MYO9A: variants seen among roughly 807,000 people sequenced by gnomAD.
The protein encoded by MYO9A is unconventional myosin-IXa.
MYO9A carries 103 observed loss-of-function variants against 293.3 expected under a neutral mutation model. The ratio of observed to expected loss-of-function variants is 0.35; its 90% confidence interval spans 0.30 to 0.41. MYO9A has a LOEUF of 0.41. MYO9A is among the 10% of genes least tolerant of loss of function. The pLI is 1.00. For synonymous variants in MYO9A, 1,001 were observed against 1,035.7 expected, an observed-to-expected ratio of 0.97 and a Z score of 0.64; for missense variants, 2,685 against 3,033.0, an observed-to-expected ratio of 0.89 and a Z score of 2.69.
intron 1 of MYO9A, among the ~76,000 whole-genome samples, chr15:72,103,045 G>A (rs188276688): frequency 0.06 from 413 of 6,866 alleles, 1 homozygote; most frequent in Non-Finnish European, 0.074. Context: ...GCAGTGGTGC[G>A]ATCTCTGTTC....
At chr15:71,962,258 G>A (rs894664901) in intron 13 of MYO9A, among the ~76,000 whole-genome samples, 5 of 152,126 alleles carry the variant, frequency 3.3e-5, no homozygotes, top group African/African-American at 7.2e-5. Flanking sequence ...TAAGTAAATC[G>A]CTCCAAGTTG....
chr15:71,935,585 A>C, intron 16 of MYO9A, 101 bp from the exon 17 acceptor site: 1 of 1,219,570 alleles, frequency 8.2e-7, no homozygotes, highest in Non-Finnish European at 1.1e-6. Context: ...TAAAATTTAG[A>C]AAAAAATGCT....
Position 71,825,927 on chromosome 15 carries a change from T to G in MYO9A, c.*653A>C, listed in dbSNP as rs2054464023. On this transcript the variant is annotated 3_prime_UTR_variant, in exon 42 of 42. Coordinates refer to ENST00000356056, the MANE Select transcript of MYO9A (RefSeq NM_006901.4). ...ATCAAAAAAAATAGGTATTCTCTTC[T>G]TCACTGTATAACAAGATATCTGAGA... The G allele has an allele frequency of 6.6e-6, 1 of 151,912 alleles. No individual in the cohort carries two copies. Among genetic ancestry groups the G allele is most frequent in the Admixed American group, 6.6e-5 (1 of 15,244 alleles). The allele number at this position is 151,912 out of a possible 1,614,324, so 9.4% of individuals were successfully genotyped here.
intron 33 of MYO9A, among the ~76,000 whole-genome samples, chr15:71,862,058 G>A (rs1416762272): frequency 6.6e-6 from 1 of 152,176 alleles, no homozygotes; most frequent in Non-Finnish European, 1.5e-5. Flanking sequence ...CTTGAACCTG[G>A]GAAGCAGAGG....
intron 14 of MYO9A, among the ~76,000 whole-genome samples, chr15:71,958,006 G>T (rs1304406527): frequency 2.6e-5 from 4 of 152,112 alleles, no homozygotes. Flanking sequence ...CAGTCAGGGT[G>T]TTTCTTGACA....
At chr15:72,060,851 C>T (rs1352876980) in intron 1 of MYO9A, among the ~76,000 whole-genome samples, 1 of 152,100 alleles carries the variant, frequency 6.6e-6, no homozygotes. Context: ...AGTGAGACAC[C>T]AGCTAGGGCA....
intron 18 of MYO9A, among the ~76,000 whole-genome samples, chr15:71,922,394 T>G (rs1325886565): frequency 2.0e-5 from 3 of 152,246 alleles, no homozygotes; most frequent in Admixed American, 6.5e-5. Context: ...TTATGACACA[T>G]GTATACATTG....
At chr15:71,960,165 A>G in intron 13 of MYO9A, 69 bp from the exon 14 acceptor site, 1 of 1,376,714 alleles carries the variant, frequency 7.3e-7, no homozygotes, top group Non-Finnish European at 1.0e-6. Context: ...GACGGGTGAT[A>G]ACATACTTTG....
At chr15:72,051,442 G>A (rs1433068793) in intron 1 of MYO9A, among the ~76,000 whole-genome samples, 5 of 152,018 alleles carry the variant, frequency 3.3e-5, no homozygotes, top group Non-Finnish European at 7.4e-5. Flanking sequence ...GTGCTCTTGG[G>A]GGATGGGAGC....
intron 26 of MYO9A, among the ~76,000 whole-genome samples, chr15:71,889,015 G>C (rs939481704): frequency 2.0e-5 from 3 of 152,154 alleles, no homozygotes; most frequent in African/African-American, 7.2e-5. Flanking sequence ...TTCTACACTT[G>C]TTTCTAGGCT....
In MYO9A at chr15:72,018,996, A is replaced by AC. The variant is rs778007917; in HGVS notation, c.1155+42dup. ...ATGGATGCAAATGCGCAATGTGAGG[A>AC]CCCTTTGACAGAAACACAGAATATT... On this transcript the variant is annotated intron_variant, in intron 6 of 41. Transcript: ENST00000356056. 3 of 1,513,120 alleles carry AC rather than the reference A, an allele frequency of 2.0e-6. No homozygotes were observed. The South Asian group carries it at 3.4e-5, about 17-fold the overall frequency. The allele number at this position is 1,513,120 out of a possible 1,614,324, so 93.7% of individuals were successfully genotyped here.
chr15:72,032,400 T>C (rs959520465), intron 3 of MYO9A, 94 bp downstream of exon 3: 4 of 727,904 alleles, frequency 5.5e-6, no homozygotes, highest in Non-Finnish European at 8.2e-6. Flanking sequence ...CTGACACCAA[T>C]GTCTGGGAAT....
intron 10 of MYO9A, among the ~76,000 whole-genome samples, chr15:71,993,102 G>C (rs2076587080): frequency 6.6e-6 from 1 of 152,128 alleles, no homozygotes; most frequent in Admixed American, 6.5e-5. Context: ...TGTAATCCCA[G>C]CACTTTGGGA....
At chr15:71,982,487 C>G (rs537868378) in intron 11 of MYO9A, among the ~76,000 whole-genome samples, 2 of 152,026 alleles carry the variant, frequency 1.3e-5, no homozygotes, top group African/African-American at 2.4e-5. Context: ...AAATATCCCA[C>G]GCAAACTTGA....
intron 39 of MYO9A, among the ~76,000 whole-genome samples, chr15:71,836,987 TTGTA>T (rs1417142004): frequency 6.6e-6 from 1 of 151,644 alleles, no homozygotes; most frequent in African/African-American, 2.4e-5. Flanking sequence ...TTTCTGTGTT[TTGTA>T]TGTGTTTTGT....
intron 12 of MYO9A, among the ~76,000 whole-genome samples, chr15:71,973,710 T>C (rs2147577819): frequency 6.6e-6 from 1 of 152,304 alleles, no homozygotes; most frequent in East Asian, 1.9e-4. Flanking sequence ...ATAAGGATAT[T>C]CGCCCAATGA....
intron 1 of MYO9A, among the ~76,000 whole-genome samples, chr15:72,079,826 AAATCTTTAAGACTAAAC>A (rs1304605410): frequency 6.6e-6 from 1 of 152,242 alleles, no homozygotes; most frequent in Non-Finnish European, 1.5e-5. Context: ...AATGTTTTAT[AAATCTTTAAGACTAAAC>A]AGCCTCAGCA....
chr15:71,862,516 T>C lies in MYO9A; in HGVS notation c.6075A>G (p.Arg2025=), dbSNP rs746354221. Residue 2025 remains arginine (R), a synonymous_variant, in exon 33 of 42, where the codon CGA becomes CGG. Coordinates refer to ENST00000356056, the MANE Select transcript of MYO9A (RefSeq NM_006901.4). The part of the protein sequence containing the change: ...YCSSLIWIMD[R]ASVCKLCKYA... ...CATACTTACATTTGCAAACAGAGGC[T>C]CGGTCCATTATCCATATCAAAGAAG... 1.2e-6 allele frequency: 2 copies of C among 1,607,536 alleles called. No individual in the cohort carries two copies. Among genetic ancestry groups the C allele is most frequent in the South Asian group, 2.2e-5 (2 of 90,820 alleles).
intron 1 of MYO9A, among the ~76,000 whole-genome samples, chr15:72,100,902 C>G (rs1285589360): frequency 3.4e-5 from 5 of 145,528 alleles, no homozygotes; most frequent in African/African-American, 5.1e-5. Flanking sequence ...GCCAGCCGCC[C>G]GGTCCGGGAG....
Sources: gnomAD v4.1 joint callset for allele counts (sites outside exome capture counted in the v4.1 genomes callset) on GRCh38, gnomAD v4.1.1 for gene constraint, MANE v1.5 for transcripts, NCBI Gene and HGNC (gene_info 2026-07-23, HGNC 2026-07-21) for gene names.